SMIM23: variants seen among roughly 807,000 people sequenced by gnomAD.
The protein encoded by SMIM23 is small integral membrane protein 23.
A neutral mutation model predicts 12.8 loss-of-function variants in SMIM23; 10 were observed. The observed-to-expected ratio is 0.78, with a 90% CI of 0.48 to 1.32. The LOEUF (loss-of-function observed/expected upper bound fraction) is 1.32, where lower values mean the gene tolerates loss of function less well. Among genes scored for constraint, SMIM23 ranks in the 40% most tolerant of loss-of-function variants. The pLI, the probability that SMIM23 is intolerant of heterozygous loss-of-function variation, is 0.00. For missense variants in SMIM23, 184 were observed against 198.2 expected (o/e 0.93, Z 0.43); for synonymous variants, 78 against 80.1 (o/e 0.97, Z 0.14).
intron 1 of SMIM23, among the ~76,000 whole-genome samples, chr5:171,786,867 A>G (rs1024527113): frequency 1.3e-5 from 2 of 152,126 alleles, no homozygotes; most frequent in Non-Finnish European, 2.9e-5. Flanking sequence ...AAGGCTGCAT[A>G]CCCGCATCCC....
chr5:171,774,466 C>T, the SMIM23 span: 1 of 456,314 alleles, frequency 2.2e-6, no homozygotes, highest in African/African-American at 2.0e-5. Context: ...ACCTCTCCCC[C>T]AATCCCCATG....
chr5:171,785,173 CACACAA>C (rs1216467485), upstream of SMIM23, among the ~76,000 whole-genome samples: 1 of 152,088 alleles, frequency 6.6e-6, no homozygotes, highest in Non-Finnish European at 1.5e-5. Context: ...CACACACACA[CACACAA>C]ATGAGAACAA....
upstream of SMIM23, among the ~76,000 whole-genome samples, chr5:171,784,218 G>C (rs1204639505): frequency 2.0e-5 from 3 of 152,140 alleles, no homozygotes; most frequent in Admixed American, 2.0e-4. Flanking sequence ...AAAAAATAGT[G>C]AAAACAGCCG....
chr5:171,785,683 T>C (rs1755801473), upstream of SMIM23, among the ~76,000 whole-genome samples: 1 of 152,194 alleles, frequency 6.6e-6, no homozygotes, highest in Admixed American at 6.5e-5. Context: ...TCTACACTCA[T>C]GTGAAAAATA....
the SMIM23 span, among the ~76,000 whole-genome samples, chr5:171,772,747 G>A: frequency 2.0e-5 from 3 of 151,582 alleles, no homozygotes; most frequent in East Asian, 3.9e-4. Flanking sequence ...TCCACAGCAA[G>A]GTATGTGCCT....
chr5:171,785,648 A>G (rs573347166), upstream of SMIM23, among the ~76,000 whole-genome samples: 23 of 152,340 alleles, frequency 1.5e-4, no homozygotes, highest in African/African-American at 5.1e-4. Context: ...TAATCTTTTG[A>G]TGCATTTCTT....
chr5:171,783,629 T>C (rs1331640183), upstream of SMIM23, among the ~76,000 whole-genome samples: 1 of 152,166 alleles, frequency 6.6e-6, no homozygotes, highest in Non-Finnish European at 1.5e-5. Flanking sequence ...GAGAAAATCT[T>C]CGGAACCTAG....
the SMIM23 span, chr5:171,774,223 CGAT>C: frequency 2.8e-6 from 1 of 361,128 alleles, no homozygotes; most frequent in Non-Finnish European, 5.5e-6. Context: ...GAGCAGGGAT[CGAT>C]GGCATGCAGC....
the SMIM23 span, among the ~76,000 whole-genome samples, chr5:171,776,316 C>G: frequency 6.6e-6 from 1 of 152,190 alleles, no homozygotes; most frequent in East Asian, 1.9e-4. Flanking sequence ...GGCTCTGCAG[C>G]CCAAGCCCCA....
intron 1 of SMIM23, among the ~76,000 whole-genome samples, chr5:171,786,915 G>A (rs1755828069): frequency 6.6e-6 from 1 of 151,534 alleles, no homozygotes; most frequent in Non-Finnish European, 1.5e-5. Context: ...CGTAAGGAAG[G>A]CTCTGAGAAG....
chr5:171,784,349 C>A (rs1464290473), upstream of SMIM23, among the ~76,000 whole-genome samples: 1 of 151,916 alleles, frequency 6.6e-6, no homozygotes, highest in East Asian at 1.9e-4. Flanking sequence ...ACTAAAAATA[C>A]AAAAAATTAG....
the SMIM23 span, among the ~76,000 whole-genome samples, chr5:171,777,102 C>T: frequency 6.6e-6 from 1 of 151,148 alleles, no homozygotes; most frequent in Non-Finnish European, 1.5e-5. Flanking sequence ...GTATTCTGGA[C>T]ATATTTTTCA....
At chr5:171,787,176 C>T (rs972735478) in intron 1 of SMIM23, among the ~76,000 whole-genome samples, 4 of 152,090 alleles carry the variant, frequency 2.6e-5, no homozygotes, top group Non-Finnish European at 5.9e-5. Flanking sequence ...CCCGCCACCA[C>T]ACCCAGTTAA....
chr5:171,790,908 G>A lies in SMIM23; in HGVS notation c.339G>A (p.Gln113=). Residue 113 remains glutamine (Q), a synonymous_variant, in exon 4 of 4, where the codon CAG becomes CAA. Coordinates refer to ENST00000523047, the MANE Select transcript of SMIM23 (RefSeq NM_001289970.2). ...AGAAGTTAGAGGAAGAGGTGCAGCA[G>A]CTGGAGCAGCTAGCGTGGGACCTGG... The part of the protein sequence containing the change: ...FSEKLEEEVQ[Q]LEQLAWDLEL... The A allele has an allele frequency of 6.5e-7, 1 of 1,536,178 alleles. No individual in the cohort carries two copies. Among genetic ancestry groups the A allele is most frequent in the Non-Finnish European group, 8.7e-7 (1 of 1,146,924 alleles).
At chr5:171,779,291 C>T (rs1755688272), upstream of SMIM23, among the ~76,000 whole-genome samples, 1 of 152,222 alleles carries the variant, frequency 6.6e-6, no homozygotes, top group African/African-American at 2.4e-5. Flanking sequence ...CCTTTCTGGA[C>T]ACACGTGTTA....
At chr5:171,789,133 C>G (rs1467255021) in intron 1 of SMIM23, among the ~76,000 whole-genome samples, 1 of 152,230 alleles carries the variant, frequency 6.6e-6, no homozygotes, top group Admixed American at 6.5e-5. Flanking sequence ...CCGCGCCTGG[C>G]CTAGAAACAA....
the SMIM23 span, among the ~76,000 whole-genome samples, chr5:171,776,510 G>A: frequency 2.6e-5 from 4 of 152,172 alleles, no homozygotes; most frequent in African/African-American, 9.7e-5. Flanking sequence ...GAACAGCGAA[G>A]TCACACATTT....
rs1755909631 is a variant in SMIM23 at position 171,790,843 on chromosome 5, A to G, written c.274A>G (p.Ile92Val). Residue 92 changes from isoleucine to valine, a missense_variant, in exon 4 of 4, where the codon ATC (isoleucine) becomes GTC (valine). Coordinates refer to ENST00000523047, the MANE Select transcript of SMIM23 (RefSeq NM_001289970.2). ...NEPSEEPIKTIRNWLKEKLHV... is the reference protein window; with the variant it reads ...NEPSEEPIKTVRNWLKEKLHV... Reference sequence around the variant, plus strand: ...GCCCTCAGAAGAACCGATAAAGACCATCAGGAACTGGCTGAAGGAGAAGTT... The same window carrying G: ...GCCCTCAGAAGAACCGATAAAGACCGTCAGGAACTGGCTGAAGGAGAAGTT... 6.5e-7 allele frequency: 1 copy of G among 1,536,166 alleles called. No homozygotes were observed. The highest frequency in any genetic ancestry group is 2.4e-5 in the East Asian group (1 of 40,924).
At chr5:171,782,879 A>G (rs1375783756), upstream of SMIM23, 1 of 152,224 alleles carries the variant, frequency 6.6e-6, no homozygotes, top group Non-Finnish European at 1.5e-5. Flanking sequence ...GAGAAGCTGT[A>G]GTAAAGTAAT....
Sources: gnomAD v4.1 joint callset for allele counts (sites outside exome capture counted in the v4.1 genomes callset) on GRCh38, gnomAD v4.1.1 for gene constraint, MANE v1.5 for transcripts, NCBI Gene and HGNC (gene_info 2026-07-23, HGNC 2026-07-21) for gene names.